KMT2E: variants seen among roughly 807,000 people sequenced by gnomAD.
KMT2E encodes the protein histone reader KMT2E.
Under a neutral mutation model 184.6 loss-of-function variants are expected in KMT2E, and 30 were observed. The observed-to-expected ratio is 0.16, with a 90% CI of 0.12 to 0.22. The LOEUF is 0.22. Among genes scored for constraint, KMT2E ranks in the 10% least tolerant of loss-of-function variants. KMT2E has a pLI of 1.00. For synonymous variants in KMT2E, 815 were observed against 776.5 expected (o/e 1.05, Z -0.82); for missense variants, 2,023 against 2,237.4 (o/e 0.90, Z 1.93).
intron 3 of KMT2E, among the ~76,000 whole-genome samples, chr7:105,051,925 T>G (rs1796367427): frequency 6.6e-6 from 1 of 152,176 alleles, no homozygotes; most frequent in Non-Finnish European, 1.5e-5. Flanking sequence ...TTTATCCATT[T>G]CTACTGTTGT....
intron 17 of KMT2E, 44 bp downstream of exon 17, chr7:105,102,238 T>C: frequency 6.8e-7 from 1 of 1,476,808 alleles, no homozygotes; most frequent in South Asian, 1.3e-5. Context: ...TAACAGTTTC[T>C]TATATTAATT....
At position 105,105,471 on chromosome 7, in the gene KMT2E, T is replaced by G. The variant is rs1289060371; in HGVS notation, c.2229T>G (p.Asn743Lys). ...HLVNEWLSEK[N>K]EKTGKPSDGL... ...TTAATGAATGGTTAAGTGAGAAGAA[T>G]GAGAAGACAGGAAAACCTTCAGATG... Residue 743 changes from asparagine to lysine, a missense_variant, in exon 18 of 27, where the codon AAT becomes AAG. Coordinates refer to ENST00000311117, the MANE Select transcript of KMT2E (RefSeq NM_182931.3). The G allele has an allele frequency of 3.1e-6, 5 of 1,607,404 alleles. No homozygotes were observed. Among genetic ancestry groups the G allele is most frequent in the Non-Finnish European group, 4.2e-6 (5 of 1,178,276 alleles).
At chr7:105,061,629 A>G (rs896549747) in intron 3 of KMT2E, among the ~76,000 whole-genome samples, 4 of 152,188 alleles carry the variant, frequency 2.6e-5, no homozygotes, top group African/African-American at 9.7e-5. Flanking sequence ...TCTTACAGAT[A>G]GCTGTTTATG....
intron 13 of KMT2E, among the ~76,000 whole-genome samples, chr7:105,084,470 A>T (rs1050521871): frequency 1.3e-5 from 2 of 151,870 alleles, no homozygotes; most frequent in Admixed American, 6.6e-5. Flanking sequence ...TACTAAAAAT[A>T]AAAAAAATTA....
At chr7:105,068,770 C>T (rs907718732) in intron 6 of KMT2E, among the ~76,000 whole-genome samples, 6 of 151,770 alleles carry the variant, frequency 4.0e-5, no homozygotes, top group East Asian at 3.9e-4. Flanking sequence ...CCACCTTGCC[C>T]GGCCATGTCT....
Position 105,112,828 on chromosome 7 carries a change from A to G in KMT2E, c.5072A>G (p.His1691Arg). Residue 1691 changes from histidine to arginine, a missense_variant, in exon 27 of 27, where the codon CAT (histidine) becomes CGT (arginine). By Grantham distance (29) the His-to-Arg change is conservative. Coordinates refer to ENST00000311117, the MANE Select transcript of KMT2E (RefSeq NM_182931.3). Reference sequence around the variant, plus strand: ...CCTCCTGGTCCTGCCCCTCATCACCATCCACCACCCCATCCATCCACAGGA... The same window carrying G: ...CCTCCTGGTCCTGCCCCTCATCACCGTCCACCACCCCATCCATCCACAGGA... ...PPPPGPAPHH[H>R]PPPHPSTGLQ... The G allele has an allele frequency of 8.6e-7, 1 of 1,163,168 alleles. No individual in the cohort carries two copies. The allele number at this position is 1,163,168 out of a possible 1,614,324, so 72.1% of individuals were successfully genotyped here. A position where few individuals can be genotyped will look rare whatever the true frequency, so the allele number is the denominator to read the frequency against.
intron 1 of KMT2E, among the ~76,000 whole-genome samples, chr7:105,023,421 AAG>A (rs1347783540): frequency 2.0e-5 from 3 of 149,772 alleles, no homozygotes; most frequent in Non-Finnish European, 4.4e-5. Flanking sequence ...AAAAAAAAAA[AAG>A]AGAGACAAAA....
rs67291226 is a variant in KMT2E at position 105,059,978 on chromosome 7, G to GTTTTTTTTTTTTTTTTT, written c.72-2169_72-2153dup. Among the ~76,000 whole-genome samples, 106 of 51,794 alleles carry GTTTTTTTTTTTTTTTTT rather than the reference G, an allele frequency of 2.0e-3. 28 individuals are homozygous for GTTTTTTTTTTTTTTTTT. Among genetic ancestry groups the GTTTTTTTTTTTTTTTTT allele is most frequent in the Non-Finnish European group, 3.3e-3 (82 of 24,950 alleles). The allele number at this position is 51,794 out of a possible 152,430, so 34.0% of individuals were successfully genotyped here. The stretch of plus-strand genomic sequence containing the variant: ...GCTGAATATTGATTTTCTTGTTGTT[G>GTTTTTTTTTTTTTTTTT]TTTTTTTTTTTTTTTTTTTTTTTTT... On this transcript the variant is annotated intron_variant, in intron 3 of 26. Coordinates refer to ENST00000311117, the MANE Select transcript of KMT2E (RefSeq NM_182931.3).
In KMT2E at chr7:105,061,909, T is replaced by A. The variant is rs567848685; in HGVS notation, c.72-255T>A. 1.9e-5 allele frequency: 6 copies of A among 316,914 alleles called. No individual in the cohort carries two copies. The East Asian group carries it at 2.7e-4, about 14-fold the overall frequency. The allele number at this position is 316,914 out of a possible 1,614,324, so 19.6% of individuals were successfully genotyped here. On this transcript the variant is annotated intron_variant, in intron 3 of 26. Coordinates refer to ENST00000311117, the MANE Select transcript of KMT2E (RefSeq NM_182931.3). ...TTATTAAATAATAATTGGACTCTAG[T>A]AATTTTTTTTAATGAGAGAGAGGGA...
In KMT2E at chr7:105,062,199, A is replaced by C; in HGVS notation, c.107A>C (p.Glu36Ala). 1 of 1,613,598 alleles carries C rather than the reference A, an allele frequency of 6.2e-7. No homozygotes were observed. The highest frequency in any genetic ancestry group is 8.5e-7 in the Non-Finnish European group (1 of 1,179,638). Residue 36 changes from glutamate to alanine, a missense_variant, in exon 4 of 27, where the codon GAG becomes GCG. By Grantham distance (107) the Glu-to-Ala change is moderately radical. Around this residue, in one of 8 missense-constraint regions of KMT2E, gnomAD observed 63 missense variants for 68.9 expected, o/e 0.91. Transcript: ENST00000311117. ...ESVEASPVVV[E>A]KSNSYPHQLY... is the part of the protein sequence containing the mutation. ...GTAGAAGCTAGCCCTGTGGTAGTTGAGAAATCCAACAGTTATCCCCACCAG... is the reference window on the plus strand; with the variant it reads ...GTAGAAGCTAGCCCTGTGGTAGTTGCGAAATCCAACAGTTATCCCCACCAG...
chr7:105,014,780 A>G (rs1364333036), intron 1 of KMT2E, among the ~76,000 whole-genome samples: 2 of 151,418 alleles, frequency 1.3e-5, no homozygotes, highest in African/African-American at 4.9e-5. Context: ...TGGCAGTTAA[A>G]CCCCCTTGAG....
Position 105,101,911 on chromosome 7 carries a change from G to C in KMT2E, c.1913G>C (p.Ser638Thr), listed in dbSNP as rs1269035743. Residue 638 changes from serine (S) to threonine (T), a missense_variant, in exon 17 of 27, where the codon AGC becomes ACC. Ser to Thr is a moderately conservative substitution (Grantham distance 58). Around this residue, in one of 8 missense-constraint regions of KMT2E, gnomAD observed 514 missense variants for 621.8 expected, o/e 0.83. Coordinates refer to ENST00000311117, the MANE Select transcript of KMT2E (RefSeq NM_182931.3). ...IQEQAKEENA[S>T]KPTPAKVNRT... ...GAACAAGCAAAAGAAGAAAATGCTA[G>C]CAAGCCAACCCCTGCCAAAGTAAAT... 12 of 1,609,228 alleles carry C rather than the reference G, an allele frequency of 7.5e-6. No individual in the cohort carries two copies. The highest frequency in any genetic ancestry group is 9.3e-6 in the Non-Finnish European group (11 of 1,178,726).
chr7:105,063,977 G>A (rs1279736856), intron 5 of KMT2E: 20 of 451,790 alleles, frequency 4.4e-5, no homozygotes, highest in South Asian at 3.1e-4. Context: ...CATTTTCATT[G>A]ATGTTTGTTT....
intron 15 of KMT2E, among the ~76,000 whole-genome samples, chr7:105,092,834 G>C (rs1284005224): frequency 6.6e-6 from 1 of 151,968 alleles, no homozygotes; most frequent in Non-Finnish European, 1.5e-5. Context: ...GTGTCTGGTG[G>C]GAGGAACCTC....
intron 8 of KMT2E, 94 bp downstream of exon 8, chr7:105,074,909 T>C (rs1797465060): frequency 9.4e-6 from 8 of 847,814 alleles, no homozygotes; most frequent in Non-Finnish European, 1.4e-5. Flanking sequence ...TAATCGATGA[T>C]AGCTAAAAAG....
intron 15 of KMT2E, among the ~76,000 whole-genome samples, chr7:105,094,542 C>T (rs1798327879): frequency 6.6e-6 from 1 of 152,128 alleles, no homozygotes; most frequent in Non-Finnish European, 1.5e-5. Context: ...ACCATGTTGG[C>T]CATCAAAAAG....
chr7:105,015,915 G>GA (rs549487677), intron 1 of KMT2E, among the ~76,000 whole-genome samples: 2,116 of 141,418 alleles, frequency 0.015, 51 homozygotes, highest in East Asian at 0.069. Flanking sequence ...CTCCACTTTT[G>GA]AAAAAAAAAA....
Position 105,105,976 on chromosome 7 carries a change from C to T in KMT2E, c.2569C>T (p.Leu857=), listed in dbSNP as rs765220683. The change falls in exon 19 of 27, where the codon CTA becomes TTA. Residue 857 remains leucine, a synonymous_variant. Transcript: ENST00000311117. The part of the protein sequence containing the change: ...AVNGENKSPL[L]LNDSCSLPDL... ...CAATGGTGAAAATAAAAGTCCACTACTATTAAATGACAGCTGTTCCCTTCC... is the reference window on the plus strand; with the variant it reads ...CAATGGTGAAAATAAAAGTCCACTATTATTAAATGACAGCTGTTCCCTTCC... The T allele has an allele frequency of 1.6e-5, 25 of 1,610,196 alleles. No individual in the cohort carries two copies. The highest frequency in any genetic ancestry group is 2.0e-5 in the Non-Finnish European group (24 of 1,179,050).
intron 19 of KMT2E, 148 bp from the exon 20 acceptor site, chr7:105,106,374 A>G: frequency 1.3e-6 from 1 of 758,830 alleles, no homozygotes; most frequent in Non-Finnish European, 2.1e-6. Context: ...TCATGTTAGT[A>G]CCATTTTTTT....
Sources: gnomAD v4.1 joint callset for allele counts (sites outside exome capture counted in the v4.1 genomes callset) on GRCh38, gnomAD v4.1.1 for gene constraint, gnomAD v4.1.1 regional missense constraint, MANE v1.5 for transcripts, NCBI Gene and HGNC (gene_info 2026-07-23, HGNC 2026-07-21) for gene names.